Variants in MSI2 observed in about 807,000 individuals in gnomAD.
MSI2 encodes the protein RNA-binding protein Musashi homolog 2.
MSI2 carries 17 observed loss-of-function variants against 45.6 expected under a neutral mutation model. The ratio of observed to expected loss-of-function variants is 0.37; its 90% CI spans 0.26 to 0.56. MSI2 has a LOEUF of 0.56. Among genes scored for constraint, MSI2 ranks in the 20% least tolerant of loss-of-function variants. The pLI is 0.77. For synonymous variants in MSI2, 156 were observed against 158.2 expected (o/e 0.99, Z 0.11); for missense variants, 293 against 444.2 (o/e 0.66, Z 3.06).
chr17:57,363,814 T>C (rs1239983202), intron 5 of MSI2, among the ~76,000 whole-genome samples: 1 of 151,942 alleles, frequency 6.6e-6, no homozygotes, highest in Non-Finnish European at 1.5e-5. Context: ...CAACAAAACA[T>C]AATAAATGAA....
At chr17:57,524,813 T>A (rs1292966126) in intron 6 of MSI2, among the ~76,000 whole-genome samples, 1 of 152,242 alleles carries the variant, frequency 6.6e-6, no homozygotes, top group East Asian at 1.9e-4. Flanking sequence ...TTTTGTTTCA[T>A]GTATTGACCA....
intron 6 of MSI2, among the ~76,000 whole-genome samples, chr17:57,468,452 C>T (rs1049931393): frequency 7.0e-6 from 1 of 142,616 alleles, no homozygotes; most frequent in Non-Finnish European, 1.5e-5. Context: ...AACTGGGAGG[C>T]GGAGCTTGCA....
intron 4 of MSI2, among the ~76,000 whole-genome samples, chr17:57,259,334 T>C (rs1414469019): frequency 1.3e-5 from 2 of 152,196 alleles, no homozygotes; most frequent in African/African-American, 4.8e-5. Flanking sequence ...TCTACTTCCA[T>C]CCGCCTCTTA....
intron 5 of MSI2, among the ~76,000 whole-genome samples, chr17:57,301,673 C>G (rs1030264956): frequency 3.3e-5 from 5 of 152,148 alleles, no homozygotes; most frequent in African/African-American, 1.2e-4. Context: ...GTAGCGTGTT[C>G]ATTGAATGAA....
At chr17:57,650,855 T>C (rs1381877126) in intron 10 of MSI2, among the ~76,000 whole-genome samples, 2 of 152,190 alleles carry the variant, frequency 1.3e-5, no homozygotes, top group Admixed American at 1.3e-4. Context: ...TTCCCTCCTC[T>C]GCTCCCTGCC....
chr17:57,361,442 A>AT (rs755458919), intron 5 of MSI2, among the ~76,000 whole-genome samples: 9 of 151,080 alleles, frequency 6.0e-5, no homozygotes, highest in Non-Finnish European at 1.3e-4. Context: ...TTTACAAAAA[A>AT]TAAAAAAAAA....
intron 7 of MSI2, among the ~76,000 whole-genome samples, chr17:57,532,816 G>A (rs1343127781): frequency 2.0e-5 from 3 of 152,188 alleles, no homozygotes; most frequent in East Asian, 1.9e-4. Context: ...CCAGACCATC[G>A]ACCCAGAGGT....
intron 6 of MSI2, among the ~76,000 whole-genome samples, chr17:57,523,880 AT>A (rs571659894): frequency 8.0e-4 from 121 of 151,522 alleles, no homozygotes; most frequent in Admixed American, 1.6e-3. Flanking sequence ...GTTTTGGGGG[AT>A]TTTTTTAGAA....
the MSI2 span, among the ~76,000 whole-genome samples, chr17:57,694,272 A>T: frequency 6.6e-6 from 1 of 152,184 alleles, no homozygotes; most frequent in African/African-American, 2.4e-5. Flanking sequence ...TCTTCAGTGC[A>T]CCACCAGCTT....
At chr17:57,351,372 C>G (rs180910555) in intron 5 of MSI2, among the ~76,000 whole-genome samples, 139 of 152,276 alleles carry the variant, frequency 9.1e-4, no homozygotes, top group Admixed American at 4.1e-3. Flanking sequence ...GTTGCCCTCC[C>G]CAGTCCTCAT....
chr17:57,416,399 A>T (rs2084295144), intron 6 of MSI2, among the ~76,000 whole-genome samples: 1 of 152,214 alleles, frequency 6.6e-6, no homozygotes, highest in East Asian at 1.9e-4. Context: ...TTTCTTGCAT[A>T]TGACTTGAAT....
chr17:57,424,432 G>T (rs538480521), intron 6 of MSI2, among the ~76,000 whole-genome samples: 2 of 152,360 alleles, frequency 1.3e-5, no homozygotes, highest in Non-Finnish European at 2.9e-5. Flanking sequence ...GCACAGAAGA[G>T]CCTGTGTCTG....
intron 6 of MSI2, among the ~76,000 whole-genome samples, chr17:57,434,926 G>A (rs181083709): frequency 1.2e-4 from 19 of 152,106 alleles, no homozygotes; most frequent in Admixed American, 1.2e-3. Context: ...AGGCACTGGG[G>A]GATATAAGAT....
intron 7 of MSI2, among the ~76,000 whole-genome samples, chr17:57,575,801 C>T (rs564995889): frequency 3.9e-5 from 6 of 151,968 alleles, no homozygotes; most frequent in East Asian, 1.9e-4. Flanking sequence ...AAAAATTAGC[C>T]GGGCCTGGTG....
intron 11 of MSI2, among the ~76,000 whole-genome samples, chr17:57,655,146 AG>A (rs1911500151): frequency 6.6e-6 from 1 of 152,028 alleles, no homozygotes; most frequent in Non-Finnish European, 1.5e-5. Flanking sequence ...TAATTCCCCT[AG>A]GACCTGAGGT....
At chr17:57,505,137 G>T (rs12103682) in intron 6 of MSI2, among the ~76,000 whole-genome samples, 10,492 of 152,108 alleles carry the variant, frequency 0.069, 570 homozygotes, top group South Asian at 0.23. Flanking sequence ...TGCTGGGGTT[G>T]GAGGTCCCAG....
chr17:57,650,591 C>T (rs929194564), intron 10 of MSI2, among the ~76,000 whole-genome samples: 7 of 152,202 alleles, frequency 4.6e-5, no homozygotes, highest in Non-Finnish European at 8.8e-5. Context: ...TGGAGACCTG[C>T]AGCCAGGGAC....
intron 6 of MSI2, among the ~76,000 whole-genome samples, chr17:57,404,545 C>T (rs1469785637): frequency 6.6e-6 from 1 of 152,116 alleles, no homozygotes; most frequent in East Asian, 1.9e-4. Flanking sequence ...AGAATTCATA[C>T]CCTACTTCCT....
chr17:57,517,944 A>AT (rs754597176), intron 6 of MSI2, among the ~76,000 whole-genome samples: 3 of 152,116 alleles, frequency 2.0e-5, no homozygotes, highest in Non-Finnish European at 4.4e-5. Flanking sequence ...CTAAACACAC[A>AT]TTTTTTCATC....
Sources: allele counts gnomAD v4.1 joint callset (sites outside exome capture counted in the v4.1 genomes callset), GRCh38; gene constraint gnomAD v4.1.1; transcripts MANE v1.5; gene names NCBI Gene and HGNC (gene_info 2026-07-23, HGNC 2026-07-21).